Variants in BRD8 observed in about 807,000 individuals in gnomAD.
BRD8 encodes the protein bromodomain containing 8.
A neutral mutation model predicts 143.1 loss-of-function variants in BRD8; 67 were observed. That is an observed-to-expected ratio of 0.47 (90% CI 0.38 to 0.57). The LOEUF is 0.57. Ranked by LOEUF, BRD8 falls within the 20% of genes least tolerant of loss-of-function variation. The probability of loss-of-function intolerance (pLI) is 0.00; values close to 1 mark genes in which losing one functional copy is unlikely to be tolerated. For missense variants in BRD8, 1,103 were observed against 1,503.0 expected (o/e 0.73, Z 4.40); for synonymous variants, 505 against 517.1 (o/e 0.98, Z 0.32).
intron 17 of BRD8, 53 bp downstream of exon 17, chr5:138,161,743 C>T: frequency 6.4e-7 from 1 of 1,569,782 alleles, no homozygotes; most frequent in Admixed American, 1.8e-5. Flanking sequence ...TTCACTAAGA[C>T]TGGACAATTT....
chr5:138,177,018 T>C (rs1261171423), intron 2 of BRD8: 2 of 148,342 alleles, frequency 1.3e-5, no homozygotes, highest in African/African-American at 5.0e-5. Flanking sequence ...GCCTGAGATA[T>C]GGAGGTTGCA....
Position 138,140,763 on chromosome 5 carries a change from T to G in BRD8, c.3557A>C (p.Asp1186Ala), listed in dbSNP as rs1031530648. The G allele has an allele frequency of 4.3e-6, 7 of 1,614,192 alleles. No homozygotes were observed. The highest frequency in any genetic ancestry group is 5.9e-6 in the Non-Finnish European group (7 of 1,180,036). ...CACAGCCATATGGTATACATGATGA[T>G]CAGAGTCATTGTACATTACAGCATT... The part of the protein sequence containing the change: ...FQNAVMYNDS[D>A]HHVYHMAVEM... The change falls in exon 26 of 27, where the codon GAT becomes GCT. Residue 1186 changes from aspartate (D) to alanine (A), a missense_variant. By Grantham distance (126) the Asp-to-Ala change is moderately radical (BLOSUM62 -2). Coordinates refer to ENST00000254900, the MANE Select transcript of BRD8 (RefSeq NM_139199.2).
At chr5:138,172,716 G>A (rs370810752) in intron 2 of BRD8, 7 of 399,112 alleles carry the variant, frequency 1.8e-5, no homozygotes, top group Admixed American at 3.2e-5. Context: ...ATGGTGGTGC[G>A]TACCTGCGGC....
chr5:138,141,286 T>C (rs1411956915), intron 25 of BRD8, among the ~76,000 whole-genome samples: 1 of 152,322 alleles, frequency 6.6e-6, no homozygotes, highest in East Asian at 1.9e-4. Flanking sequence ...TGCGCCATCA[T>C]GCCCAGCTAA....
In BRD8 at chr5:138,170,897, A is replaced by G; in HGVS notation, c.375T>C (p.Asp125=). The part of the protein sequence containing the change: ...TQERYRRLKR[D]AELIQAGHMD... ...TGTGTCCAGCTTGAATTAGTTCTGCATCTCTCTTTAGCCGTCTATAGGAAG... is the reference window on the plus strand; with the variant it reads ...TGTGTCCAGCTTGAATTAGTTCTGCGTCTCTCTTTAGCCGTCTATAGGAAG... Residue 125 remains aspartate, a synonymous_variant, in exon 6 of 27, where the codon GAT becomes GAC. Transcript: ENST00000254900. 1.2e-6 allele frequency: 2 copies of G among 1,614,206 alleles called. No individual in the cohort carries two copies. Among genetic ancestry groups the G allele is most frequent in the Non-Finnish European group, 1.7e-6 (2 of 1,180,026 alleles).
In BRD8 at chr5:138,146,184, A is replaced by G. The variant is rs190773003; in HGVS notation, c.3279-306T>C. Among the ~76,000 whole-genome samples the G allele has an allele frequency of 3.0e-4, 45 of 151,606 alleles. No individual in the cohort carries two copies. In the East Asian group the frequency reaches 5.8e-3, roughly 20 times the overall value. On this transcript the variant is annotated intron_variant, in intron 23 of 26. Coordinates refer to ENST00000254900, the MANE Select transcript of BRD8 (RefSeq NM_139199.2). ...GCGATTCTCCTGCCTCAGCCTCCCA[A>G]GTAGCTGGGACTAAAGTTGCATACC... is the stretch of plus-strand genomic sequence containing the variant.
intron 25 of BRD8, among the ~76,000 whole-genome samples, chr5:138,144,918 AATATAT>A (rs71583301): frequency 2.6e-4 from 23 of 89,824 alleles, no homozygotes; most frequent in Non-Finnish European, 3.3e-4. Context: ...AAAAAAAAAA[AATATAT>A]ATATATATAG....
intron 8 of BRD8, chr5:138,168,601 C>T: frequency 6.2e-7 from 1 of 1,605,896 alleles, no homozygotes; most frequent in Non-Finnish European, 8.5e-7. Context: ...GTCATGGGGG[C>T]TTCTAAGGGT....
rs368595897 is a variant in BRD8, at chr5:138,140,780, T to C, written c.3540A>G (p.Val1180=). The change falls in exon 26 of 27, where the codon GTA becomes GTG. Residue 1180 remains valine, a synonymous_variant. Coordinates refer to ENST00000254900, the MANE Select transcript of BRD8 (RefSeq NM_139199.2). ...RDLMLMFQNA[V]MYNDSDHHVY... ...CATGATGATCAGAGTCATTGTACAT[T>C]ACAGCATTTTGGAACATCAGCATCA... 8 of 1,614,058 alleles carry C rather than the reference T, an allele frequency of 5.0e-6. No individual in the cohort carries two copies. Among genetic ancestry groups the C allele is most frequent in the Non-Finnish European group, 6.8e-6 (8 of 1,180,036 alleles).
At chr5:138,173,592 G>A (rs547978987) in intron 2 of BRD8, among the ~76,000 whole-genome samples, 27 of 152,184 alleles carry the variant, frequency 1.8e-4, no homozygotes, top group African/African-American at 6.0e-4. Context: ...TGTTTAGACA[G>A]TATCTCACTT....
intron 23 of BRD8, 56 bp from the exon 24 acceptor site, chr5:138,145,934 C>T: frequency 1.4e-6 from 2 of 1,454,220 alleles, no homozygotes; most frequent in African/African-American, 1.4e-5. Flanking sequence ...AATATTCTAT[C>T]TCCCCCAGGT....
Position 138,161,085 on chromosome 5 carries a change from G to T in BRD8, c.2250-17C>A. ...TCCATAGGCCTAAAAAAAAAGAACA[G>T]GGGTAAGTAGCAGTGGGGATGGAAA... On this transcript the variant is annotated splice_polypyrimidine_tract_variant and intron_variant, in intron 17 of 26. Transcript: ENST00000254900. 6.3e-7 allele frequency: 1 copy of T among 1,597,624 alleles called. No homozygotes were observed. Among genetic ancestry groups the T allele is most frequent in the South Asian group, 1.1e-5 (1 of 89,186 alleles).
intron 2 of BRD8, chr5:138,172,665 CAAAAAAAAAAAAAAAA>C (rs147364810): frequency 5.1e-5 from 11 of 216,704 alleles, no homozygotes; most frequent in African/African-American, 4.2e-4. Flanking sequence ...CCCATCCCTA[CAAAAAAAAAAAAAAAA>C]AAAAAAAAAA....
Position 138,145,782 on chromosome 5 carries a change from G to C in BRD8, c.3368+7C>G, listed in dbSNP as rs745772814. The C allele has an allele frequency of 1.2e-6, 2 of 1,611,762 alleles. No individual in the cohort carries two copies. Among genetic ancestry groups the C allele is most frequent in the Admixed American group, 3.3e-5 (2 of 59,998 alleles). On this transcript the variant is annotated splice_region_variant and intron_variant, in intron 24 of 26. Transcript: ENST00000254900. Reference sequence around the variant, plus strand: ...AACATAATCCTATTACCACTTTGGAGACCTACCTGTGACTGGCAATCATCT... The same window carrying C: ...AACATAATCCTATTACCACTTTGGACACCTACCTGTGACTGGCAATCATCT...
chr5:138,152,930 T>A (rs1752427531), intron 20 of BRD8, among the ~76,000 whole-genome samples, 170 bp from the exon 21 acceptor site: 1 of 152,228 alleles, frequency 6.6e-6, no homozygotes, highest in African/African-American at 2.4e-5. Context: ...GAGATGAAAT[T>A]ATATTTGTCT....
chr5:138,145,955 GTTTTC>G, intron 23 of BRD8, 77 bp from the exon 24 acceptor site: 5 of 1,182,330 alleles, frequency 4.2e-6, no homozygotes, highest in Non-Finnish European at 6.2e-6. Flanking sequence ...GGGTAATGAG[GTTTTC>G]TTAAGACATG....
rs762114559 is a variant in BRD8 at position 138,160,927 on chromosome 5, T to A, written c.2391A>T (p.Ala797=). The A allele has an allele frequency of 6.2e-7, 1 of 1,611,924 alleles. No individual in the cohort carries two copies. The highest frequency in any genetic ancestry group is 8.5e-7 in the Non-Finnish European group (1 of 1,179,084). ...NSSDHDVYHM[A]VEMQRDVLEQ... Reference sequence around the variant, plus strand: ...CCAAGACATCTCGCTGCATCTCCACTGCCATGTGATAGACATCATGGTCTG... The same window carrying A: ...CCAAGACATCTCGCTGCATCTCCACAGCCATGTGATAGACATCATGGTCTG... Residue 797 remains alanine (A), a synonymous_variant, in exon 18 of 27, where the codon GCA becomes GCT. Transcript: ENST00000254900.
At chr5:138,166,983 C>A (rs375940613) in intron 9 of BRD8, 3 of 364,394 alleles carry the variant, frequency 8.2e-6, no homozygotes, top group Non-Finnish European at 1.6e-5. Flanking sequence ...CAGTGGCTCA[C>A]GCCTGTAATG....
intron 8 of BRD8, 47 bp downstream of exon 8, chr5:138,169,175 T>C (rs927801631): frequency 3.8e-6 from 6 of 1,593,632 alleles, no homozygotes; most frequent in Non-Finnish European, 5.1e-6. Context: ...CTCTGCCGGC[T>C]TATTGCCCCT....
Sources: gnomAD v4.1 joint callset for allele counts (sites outside exome capture counted in the v4.1 genomes callset) on GRCh38, gnomAD v4.1.1 for gene constraint, MANE v1.5 for transcripts, NCBI Gene and HGNC (gene_info 2026-07-23, HGNC 2026-07-21) for gene names.